Variants in CAB39 observed in about 807,000 individuals in gnomAD.
CAB39 encodes the protein calcium-binding protein 39.
CAB39 carries 8 observed loss-of-function variants against 40.0 expected under a neutral mutation model. That is an observed-to-expected ratio of 0.20 (90% CI 0.12 to 0.36). The LOEUF (loss-of-function observed/expected upper bound fraction) is 0.36. Among genes scored for constraint, CAB39 ranks in the 10% least tolerant of loss-of-function variants. CAB39 has a pLI of 1.00. For missense variants in CAB39, 270 were observed against 401.1 expected (o/e 0.67, Z 2.79); for synonymous variants, 156 against 141.6 (o/e 1.10, Z -0.72).
intron 1 of CAB39, among the ~76,000 whole-genome samples, chr2:230,732,226 C>T (rs1477516416): frequency 6.6e-6 from 1 of 152,110 alleles, no homozygotes; most frequent in African/African-American, 2.4e-5. Context: ...GGACTACAGG[C>T]GCCTGCCACC....
At position 230,799,099 on chromosome 2, in the gene CAB39, A is replaced by G. The variant is rs752832937; in HGVS notation, c.567+202A>G. The G allele has an allele frequency of 1.3e-5, 6 of 473,762 alleles. No individual in the cohort carries two copies. The Admixed American group carries it at 1.5e-4, about 12-fold the overall frequency. The allele number at this position is 473,762 out of a possible 1,614,324, so 29.3% of individuals were successfully genotyped here. On this transcript the variant is annotated intron_variant, in intron 5 of 8. Coordinates refer to ENST00000258418, the MANE Select transcript of CAB39 (RefSeq NM_016289.4). ...GTGGAAAAGTTAGATTCTAAAGTCTATCTAAAAGACAAAAGTCCTGTGTGG... is the reference window on the plus strand; with the variant it reads ...GTGGAAAAGTTAGATTCTAAAGTCTGTCTAAAAGACAAAAGTCCTGTGTGG...
rs371921279 is a variant in CAB39, at chr2:230,817,888, C to T, written c.828C>T (p.His276=). The change falls in exon 8 of 9, where the codon CAC becomes CAT. Residue 276 remains histidine (H), a synonymous_variant. Coordinates refer to ENST00000258418, the MANE Select transcript of CAB39 (RefSeq NM_016289.4). ...KSRNIQFEAF[H]VFKVFVANPN... ...GCAACATCCAGTTTGAGGCCTTTCA[C>T]GTTTTTAAGGTAGAGTACTAGAAGC... 9 of 1,610,406 alleles carry T rather than the reference C, an allele frequency of 5.6e-6. No homozygotes were observed. Among genetic ancestry groups the T allele is most frequent in the South Asian group, 2.2e-5 (2 of 90,536 alleles).
chr2:230,768,954 C>CA (rs1193544254), intron 2 of CAB39, among the ~76,000 whole-genome samples: 2 of 152,112 alleles, frequency 1.3e-5, no homozygotes, highest in Non-Finnish European at 2.9e-5. Flanking sequence ...ATTTAAAAAA[C>CA]AGAGATTGTC....
chr2:230,777,491 C>T (rs189906066), intron 2 of CAB39, among the ~76,000 whole-genome samples: 253 of 151,294 alleles, frequency 1.7e-3, no homozygotes, highest in African/African-American at 5.7e-3. Context: ...ATAATCTCAG[C>T]TCACTGCAAC....
chr2:230,782,425 T>G (rs890891932), intron 2 of CAB39, among the ~76,000 whole-genome samples: 6 of 152,084 alleles, frequency 3.9e-5, no homozygotes, highest in Non-Finnish European at 8.8e-5. Context: ...AATCAATGAG[T>G]ACCAACATAA....
At chr2:230,777,088 G>T (rs1221175324) in intron 2 of CAB39, among the ~76,000 whole-genome samples, 1 of 152,088 alleles carries the variant, frequency 6.6e-6, no homozygotes, top group Non-Finnish European at 1.5e-5. Flanking sequence ...AAAGATCTTT[G>T]TTTCCTTCAT....
chr2:230,772,295 A>G (rs1357836245), intron 2 of CAB39, among the ~76,000 whole-genome samples: 1 of 152,226 alleles, frequency 6.6e-6, no homozygotes. Context: ...CAGATGTCAA[A>G]TAAGCCCTTG....
At chr2:230,770,651 A>G (rs1332086108) in intron 2 of CAB39, among the ~76,000 whole-genome samples, 1 of 152,230 alleles carries the variant, frequency 6.6e-6, no homozygotes, top group Non-Finnish European at 1.5e-5. Flanking sequence ...AATAAAACCT[A>G]CAGACTAATA....
intron 2 of CAB39, among the ~76,000 whole-genome samples, chr2:230,761,799 T>A (rs1418839426): frequency 6.6e-6 from 1 of 152,232 alleles, no homozygotes; most frequent in Non-Finnish European, 1.5e-5. Context: ...GAAACTAGAT[T>A]AATTGAAACA....
intron 1 of CAB39, chr2:230,725,234 T>G: frequency 6.3e-7 from 1 of 1,590,006 alleles, no homozygotes. Flanking sequence ...CCGGTAGAGG[T>G]CTTCATCTTT....
chr2:230,801,499 C>T (rs993402638), intron 5 of CAB39, among the ~76,000 whole-genome samples: 9 of 152,176 alleles, frequency 5.9e-5, no homozygotes, highest in African/African-American at 1.2e-4. Flanking sequence ...TCCCAGAAAA[C>T]GTGCTCTGCA....
intron 5 of CAB39, among the ~76,000 whole-genome samples, chr2:230,805,695 A>T (rs1575959763): frequency 6.6e-6 from 1 of 152,236 alleles, no homozygotes; most frequent in African/African-American, 2.4e-5. Flanking sequence ...CACAACAAGG[A>T]TATGCTAGAT....
intron 1 of CAB39, among the ~76,000 whole-genome samples, chr2:230,729,067 GAAGA>G (rs1380760811): frequency 2.0e-5 from 3 of 152,194 alleles, no homozygotes; most frequent in African/African-American, 7.2e-5. Flanking sequence ...CCCTCAGCCT[GAAGA>G]AAGAGATTAT....
chr2:230,787,897 A>AGT (rs1695821972), intron 2 of CAB39, among the ~76,000 whole-genome samples: 1 of 152,250 alleles, frequency 6.6e-6, no homozygotes, highest in Non-Finnish European at 1.5e-5. Context: ...GCCAGTAGAC[A>AGT]GTGTAGTGAA....
In CAB39 at chr2:230,759,946, T is replaced by C. The variant is rs1575926884; in HGVS notation, c.-43-13T>C. The C allele has an allele frequency of 2.3e-6, 2 of 875,950 alleles. No homozygotes were observed. The highest frequency in any genetic ancestry group is 5.0e-5 in the East Asian group (2 of 40,270). 54.3% of individuals were successfully genotyped at this position (875,950 alleles called of 1,614,324 possible). The stretch of plus-strand genomic sequence containing the variant: ...CCAGTGTTTGCTCACATGAACCTTG[T>C]GCTGTGTTCTAGGTAGCACAGGCGG... On this transcript the variant is annotated splice_polypyrimidine_tract_variant and intron_variant, in intron 1 of 8. Transcript: ENST00000258418.
At chr2:230,781,765 C>CA (rs1695690797) in intron 2 of CAB39, among the ~76,000 whole-genome samples, 2 of 152,198 alleles carry the variant, frequency 1.3e-5, no homozygotes, top group East Asian at 3.9e-4. Flanking sequence ...ACAATGCCTG[C>CA]AGGCCAGAGG....
chr2:230,726,850 T>G (rs1694581711), intron 1 of CAB39, among the ~76,000 whole-genome samples: 1 of 146,684 alleles, frequency 6.8e-6, no homozygotes, highest in African/African-American at 2.5e-5. Flanking sequence ...TGTTTTTTCT[T>G]TTTTAATCTT....
intron 1 of CAB39, among the ~76,000 whole-genome samples, chr2:230,757,591 C>T (rs1185333101): frequency 6.6e-6 from 1 of 152,120 alleles, no homozygotes; most frequent in Non-Finnish European, 1.5e-5. Context: ...ACTTGTAAAC[C>T]TCTGTTACCC....
intron 4 of CAB39, among the ~76,000 whole-genome samples, chr2:230,795,114 A>G (rs960301030): frequency 1.3e-5 from 2 of 152,072 alleles, no homozygotes; most frequent in Admixed American, 6.5e-5. Context: ...CGCCTCTACT[A>G]AAAATACAAA....
Sources: allele counts gnomAD v4.1 joint callset (sites outside exome capture counted in the v4.1 genomes callset), GRCh38; gene constraint gnomAD v4.1.1; transcripts MANE v1.5; gene names NCBI Gene and HGNC (gene_info 2026-07-23, HGNC 2026-07-21).